Variants in SERPINB8 observed in about 807,000 individuals in gnomAD.
SERPINB8 encodes serpin B8.
In SERPINB8, 25 loss-of-function variants were observed where a neutral mutation model predicts 35.3. The ratio of observed to expected loss-of-function variants is 0.71; its 90% CI spans 0.52 to 0.99. SERPINB8 has a LOEUF of 0.99. SERPINB8 is among the 50% of genes least tolerant of loss of function. The pLI, the probability that SERPINB8 is intolerant of heterozygous loss-of-function variation, is 0.00. For missense variants in SERPINB8, 484 were observed against 446.5 expected, an observed-to-expected ratio of 1.08 and a Z score of -0.76; for synonymous variants, 186 against 160.8, an observed-to-expected ratio of 1.16 and a Z score of -1.19.
downstream of SERPINB8, among the ~76,000 whole-genome samples, chr18:64,007,631 C>T (rs1228363986): frequency 6.6e-6 from 1 of 152,162 alleles, no homozygotes; most frequent in East Asian, 1.9e-4. Context: ...CTTCCAGAAA[C>T]TTAAAATCAT....
At chr18:63,997,752 G>A (rs1264951491) in intron 1 of SERPINB8, among the ~76,000 whole-genome samples, 3 of 152,192 alleles carry the variant, frequency 2.0e-5, no homozygotes, top group Non-Finnish European at 4.4e-5. Flanking sequence ...GTGCTGACAT[G>A]TAAAACACAT....
intron 3 of SERPINB8, among the ~76,000 whole-genome samples, chr18:63,981,387 T>C (rs1186495967): frequency 6.6e-6 from 1 of 152,172 alleles, no homozygotes; most frequent in East Asian, 1.9e-4. Context: ...GACTGCCTAG[T>C]GAGGGAAGCA....
In SERPINB8 at chr18:63,986,203, A is replaced by G. The variant is rs1463027046; in HGVS notation, c.721-671A>G. On this transcript the variant is annotated intron_variant, in intron 6 of 6. Transcript: ENST00000397985. ...GGCTCCAGTTGTTAAAGGGAAGGGG[A>G]GATGCTAGTGGAAGGCCTTTCTCCC... is the stretch of plus-strand genomic sequence containing the variant. The G allele has an allele frequency of 5.2e-6, 8 of 1,537,882 alleles. No individual in the cohort carries two copies. The African/African-American group carries it at 6.8e-5, about 13-fold the overall frequency.
chr18:63,986,363 C>G (rs1011560638), intron 6 of SERPINB8: 1 of 1,582,898 alleles, frequency 6.3e-7, no homozygotes, highest in East Asian at 2.3e-5. Flanking sequence ...TCGTCTCATG[C>G]TCCCTTCTCA....
Position 63,989,316 on chromosome 18 carries a change from C to T in SERPINB8, c.*2038C>T, listed in dbSNP as rs1024743894. On this transcript the variant is annotated 3_prime_UTR_variant, in exon 7 of 7. Coordinates refer to ENST00000397985, the MANE Select transcript of SERPINB8 (RefSeq NM_002640.4). ...AAATTTACCTGTTGATGAACATTTA[C>T]GTTGTTACCAAGATTTTTGCTATTG... The T allele has an allele frequency of 2.0e-5, 3 of 152,194 alleles. No homozygotes were observed. The highest frequency in any genetic ancestry group is 2.1e-4 in the South Asian group (1 of 4,822). The allele number at this position is 152,194 out of a possible 1,614,324, so 9.4% of individuals were successfully genotyped here.
chr18:63,977,341 T>C (rs1410392847), intron 1 of SERPINB8, among the ~76,000 whole-genome samples: 1 of 151,940 alleles, frequency 6.6e-6, no homozygotes, highest in African/African-American at 2.4e-5. Flanking sequence ...TTTTTTTTTT[T>C]CCTGAGATGG....
At chr18:64,013,028 T>C (rs376293750) in intron 7 of SERPINB8, among the ~76,000 whole-genome samples, 10 of 152,326 alleles carry the variant, frequency 6.6e-5, no homozygotes, top group South Asian at 4.1e-4. Context: ...ATCAGCCACA[T>C]TCAAATCTCC....
chr18:63,981,674 G>A (rs751324506), intron 3 of SERPINB8, 47 bp from the exon 4 acceptor site: 1 of 1,301,250 alleles, frequency 7.7e-7, no homozygotes, highest in South Asian at 1.2e-5. Context: ...TTGCATTTGT[G>A]GGAACCTTTA....
intron 7 of SERPINB8, among the ~76,000 whole-genome samples, chr18:64,015,267 G>C (rs1419856604): frequency 1.3e-5 from 2 of 152,164 alleles, no homozygotes; most frequent in East Asian, 3.9e-4. Flanking sequence ...CAGTAACCGG[G>C]CAAGGGTGGA....
chr18:63,983,137 T>C (rs2050697871), intron 4 of SERPINB8, among the ~76,000 whole-genome samples: 1 of 152,202 alleles, frequency 6.6e-6, no homozygotes, highest in African/African-American at 2.4e-5. Context: ...CTAAACATCC[T>C]ACAATGCACA....
intron 1 of SERPINB8, among the ~76,000 whole-genome samples, chr18:63,997,107 G>T (rs2050853606): frequency 6.6e-6 from 1 of 152,124 alleles, no homozygotes; most frequent in East Asian, 1.9e-4. Flanking sequence ...TCAGACACTT[G>T]TTGGGTTTTT....
chr18:64,002,078 A>C (rs1178896409), intron 1 of SERPINB8, among the ~76,000 whole-genome samples: 1 of 152,130 alleles, frequency 6.6e-6, no homozygotes, highest in Non-Finnish European at 1.5e-5. Context: ...CTGCTGAGTC[A>C]GCCTGAAGCC....
chr18:64,005,330 C>T (rs2050894676), exon 2 of SERPINB8: 1 of 152,678 alleles, frequency 6.5e-6, no homozygotes, highest in Admixed American at 6.5e-5. Context: ...AAACGTTGCA[C>T]TAAGCAAAGT....
rs750821904 is a variant in SERPINB8 at position 63,978,517 on chromosome 18, C to A, written c.168+41C>A. The stretch of plus-strand genomic sequence containing the variant: ...ACAAAGGAAGGAGAACAGTGTGTTT[C>A]CCTTGTGCTTCCATACAGCTGTCTT... On this transcript the variant is annotated intron_variant, in intron 2 of 6. Transcript: ENST00000397985. 5 of 1,602,716 alleles carry A rather than the reference C, an allele frequency of 3.1e-6. No homozygotes were observed. The East Asian group carries it at 1.1e-4, about 36-fold the overall frequency.
At chr18:64,005,588 C>T (rs1456729829) in exon 2 of SERPINB8, 2 of 152,170 alleles carry the variant, frequency 1.3e-5, no homozygotes, top group East Asian at 1.9e-4. Context: ...TACCAGACAT[C>T]AAATATAATG....
rs973024023 is a variant in SERPINB8, at chr18:63,970,123, A to AAGC, written c.-51_-49dup. The AAGC allele has an allele frequency of 5.1e-5, 17 of 330,700 alleles. No individual in the cohort carries two copies. The highest frequency in any genetic ancestry group is 1.4e-4 in the South Asian group (6 of 43,858). The allele number at this position is 330,700 out of a possible 1,614,324, so 20.5% of individuals were successfully genotyped here. Reference sequence around the variant, plus strand: ...AGCATCTACAAAGGAGGAATAGTCAAAGCAGCAGCGGCGGCGGCGGCGGCG... The same window carrying AAGC: ...AGCATCTACAAAGGAGGAATAGTCAAAGCAGCAGCAGCGGCGGCGGCGGCGGCG... On this transcript the variant is annotated 5_prime_UTR_variant, in exon 1 of 7. Transcript: ENST00000397985.
At chr18:63,995,682 G>A (rs2050845778) in intron 1 of SERPINB8, among the ~76,000 whole-genome samples, 1 of 152,172 alleles carries the variant, frequency 6.6e-6, no homozygotes, top group African/African-American at 2.4e-5. Flanking sequence ...CTAGGCCATT[G>A]TATCCCCACC....
chr18:63,982,786 C>T (rs531221464), intron 4 of SERPINB8, among the ~76,000 whole-genome samples: 1 of 152,108 alleles, frequency 6.6e-6, no homozygotes, highest in Non-Finnish European at 1.5e-5. Flanking sequence ...TGCTTATGCC[C>T]TTCCTTCCCT....
chr18:63,986,555 A>G lies in SERPINB8; in HGVS notation c.721-319A>G, dbSNP rs545767477. ...TATGTATTGCATGAAGATTAATGTA[A>G]TGAATTGGTTAGAATTTTCTAAACT... On this transcript the variant is annotated intron_variant, in intron 6 of 6. Coordinates refer to ENST00000397985, the MANE Select transcript of SERPINB8 (RefSeq NM_002640.4). 1.1e-5 allele frequency: 15 copies of G among 1,322,244 alleles called. No individual in the cohort carries two copies. The Admixed American group carries it at 3.3e-4, about 29-fold the overall frequency. The allele number at this position is 1,322,244 out of a possible 1,614,324, so 81.9% of individuals were successfully genotyped here.
Sources: allele counts gnomAD v4.1 joint callset (sites outside exome capture counted in the v4.1 genomes callset), GRCh38; gene constraint gnomAD v4.1.1; transcripts MANE v1.5; gene names NCBI Gene and HGNC (gene_info 2026-07-23, HGNC 2026-07-21).